Variants in FAT3 observed in about 807,000 individuals in gnomAD.
FAT3 encodes protocadherin Fat 3.
A neutral mutation model predicts 310.2 loss-of-function variants in FAT3; 95 were observed. That is an observed-to-expected ratio of 0.31 (90% CI 0.26 to 0.36). The LOEUF is 0.36. FAT3 is among the 10% of genes least tolerant of loss of function. The probability of loss-of-function intolerance (pLI) is 1.00; values close to 1 mark genes in which losing one functional copy is unlikely to be tolerated. For synonymous variants in FAT3, 2,314 were observed against 2,192.9 expected, an observed-to-expected ratio of 1.06 and a Z score of -1.54; for missense variants, 5,408 against 5,715.6, an observed-to-expected ratio of 0.95 and a Z score of 1.74.
In FAT3 at chr11:92,894,705, A is replaced by G. The variant is rs1949988478; in HGVS notation, c.*3592A>G. 6.6e-6 allele frequency: 1 copy of G among 152,190 alleles called. No individual in the cohort carries two copies. The allele number at this position is 152,190 out of a possible 1,614,324, so 9.4% of individuals were successfully genotyped here. On this transcript the variant is annotated 3_prime_UTR_variant, in exon 28 of 28. Transcript: ENST00000525166. ...GCATTCTAGTCTATGCCAGCTTTCC[A>G]TGTACCCTTGGCCTGCCTATTCATG... is the stretch of plus-strand genomic sequence containing the variant.
chr11:92,805,317 G>T lies in FAT3; in HGVS notation c.9061G>T (p.Asp3021Tyr), dbSNP rs1275908346. 1 of 1,613,680 alleles carries T rather than the reference G, an allele frequency of 6.2e-7. No individual in the cohort carries two copies. The highest frequency in any genetic ancestry group is 1.1e-5 in the South Asian group (1 of 91,018). ...GGCCATGGTGGAAGTGAGCGTCAGTGATGTGAATGACAATAGCCCAGTGTG... is the reference window on the plus strand; with the variant it reads ...GGCCATGGTGGAAGTGAGCGTCAGTTATGTGAATGACAATAGCCCAGTGTG... ...TQAMVEVSVSDVNDNSPVCDQ... is the reference protein window; with the variant it reads ...TQAMVEVSVSYVNDNSPVCDQ... Residue 3021 changes from aspartate to tyrosine, a missense_variant, in exon 11 of 28, where the codon GAT (aspartate) becomes TAT (tyrosine). Around this residue, in one of 5 missense-constraint regions of FAT3, gnomAD observed 4,588 missense variants for 4,809.8 expected, o/e 0.95. Coordinates refer to ENST00000525166, the MANE Select transcript of FAT3 (RefSeq NM_001367949.2).
intron 13 of FAT3, among the ~76,000 whole-genome samples, chr11:92,830,803 C>G (rs1377518726): frequency 6.6e-6 from 1 of 152,102 alleles, no homozygotes; most frequent in Non-Finnish European, 1.5e-5. Flanking sequence ...GCCTCTGTTT[C>G]TCTCACATCC....
intron 3 of FAT3, among the ~76,000 whole-genome samples, chr11:92,602,484 C>G (rs1343314511): frequency 6.6e-6 from 1 of 152,138 alleles, no homozygotes; most frequent in Admixed American, 6.6e-5. Context: ...TTAGCCTGTT[C>G]AAGATGACAG....
chr11:92,765,453 T>G (rs1414800243), intron 6 of FAT3, among the ~76,000 whole-genome samples: 2 of 152,096 alleles, frequency 1.3e-5, no homozygotes, highest in African/African-American at 4.8e-5. Context: ...TTTCTTCACC[T>G]TTTTTCTGCA....
At chr11:92,593,029 A>G (rs993799138) in intron 3 of FAT3, among the ~76,000 whole-genome samples, 8 of 152,118 alleles carry the variant, frequency 5.3e-5, no homozygotes, top group Admixed American at 6.6e-5. Flanking sequence ...TGACTGTCCT[A>G]AGTACCCCAT....
chr11:92,263,136 G>T (rs1454568911), intron 1 of FAT3, among the ~76,000 whole-genome samples: 1 of 151,950 alleles, frequency 6.6e-6, no homozygotes, highest in Non-Finnish European at 1.5e-5. Flanking sequence ...GCTCAGTGCT[G>T]GAGAGTTGAC....
intron 2 of FAT3, among the ~76,000 whole-genome samples, chr11:92,368,845 T>TATATATATATATATATACATAC (rs1196442457): frequency 4.8e-5 from 7 of 145,840 alleles, no homozygotes; most frequent in African/African-American, 1.9e-4. Flanking sequence ...TATATATATA[T>TATATATATATATATATACATAC]ATACACACAT....
intron 19 of FAT3, among the ~76,000 whole-genome samples, chr11:92,853,756 C>T (rs530012747): frequency 1.3e-4 from 20 of 152,278 alleles, no homozygotes; most frequent in African/African-American, 4.8e-4. Flanking sequence ...GTCTGGATAT[C>T]TGTTTGAGTC....
intron 3 of FAT3, among the ~76,000 whole-genome samples, chr11:92,626,969 T>A (rs1941363264): frequency 6.6e-6 from 1 of 152,304 alleles, no homozygotes; most frequent in South Asian, 2.1e-4. Context: ...TAAGAAAAAA[T>A]GAGTGAATTC....
intron 2 of FAT3, among the ~76,000 whole-genome samples, chr11:92,461,897 C>T (rs1337519239): frequency 1.3e-5 from 2 of 152,178 alleles, no homozygotes; most frequent in Non-Finnish European, 2.9e-5. Context: ...TGCAGTGTAG[C>T]AAATGCTTTG....
At chr11:92,795,646 C>T (rs909345774) in intron 9 of FAT3, among the ~76,000 whole-genome samples, 4 of 152,000 alleles carry the variant, frequency 2.6e-5, no homozygotes, top group African/African-American at 4.8e-5. Context: ...CACAGTGGCT[C>T]GTGCCTGTAA....
intron 3 of FAT3, among the ~76,000 whole-genome samples, chr11:92,603,528 C>T (rs1366572671): frequency 6.6e-6 from 1 of 152,166 alleles, no homozygotes; most frequent in Non-Finnish European, 1.5e-5. Context: ...CTCACAATTT[C>T]GATTTTGAAA....
At chr11:92,715,207 C>G (rs1456851590) in intron 4 of FAT3, among the ~76,000 whole-genome samples, 2 of 150,276 alleles carry the variant, frequency 1.3e-5, no homozygotes, top group African/African-American at 4.9e-5. Context: ...AGATCGAGAC[C>G]ATCCTGGCTA....
rs188371671 is a variant in FAT3, at chr11:92,791,366, T to C, written c.4611+1148T>C. Among the ~76,000 whole-genome samples the C allele has an allele frequency of 1.1e-4, 16 of 152,318 alleles. No homozygotes were observed. The East Asian group carries it at 3.1e-3, about 29-fold the overall frequency. ...CCCCAAATAGAGTTCAGCTTGGTCC[T>C]TGGGTATGGCAGACCAGTCTGCAGA... On this transcript the variant is annotated intron_variant, in intron 8 of 27. Coordinates refer to ENST00000525166, the MANE Select transcript of FAT3 (RefSeq NM_001367949.2).
chr11:92,462,387 T>G (rs983793109), intron 2 of FAT3, among the ~76,000 whole-genome samples: 2 of 152,170 alleles, frequency 1.3e-5, no homozygotes, highest in Admixed American at 6.6e-5. Context: ...GTGTACTCGC[T>G]GTTTTGCTCC....
intron 2 of FAT3, among the ~76,000 whole-genome samples, chr11:92,516,971 G>A (rs1482528643): frequency 6.6e-6 from 1 of 152,086 alleles, no homozygotes; most frequent in Non-Finnish European, 1.5e-5. Context: ...ACTGCCCAAG[G>A]AAATAAGAGA....
intron 2 of FAT3, among the ~76,000 whole-genome samples, chr11:92,436,631 CTCT>C (rs1213790793): frequency 1.3e-5 from 2 of 152,186 alleles, no homozygotes; most frequent in Non-Finnish European, 2.9e-5. Context: ...TCAGGGACCA[CTCT>C]TCTTATGTGC....
At chr11:92,830,260 G>T (rs1948209208) in intron 13 of FAT3, among the ~76,000 whole-genome samples, 1 of 152,176 alleles carries the variant, frequency 6.6e-6, no homozygotes, top group South Asian at 2.1e-4. Flanking sequence ...AATGAAACCA[G>T]TTAAATCAAT....
intron 13 of FAT3, among the ~76,000 whole-genome samples, chr11:92,830,895 C>T (rs1948230180): frequency 6.6e-6 from 1 of 152,158 alleles, no homozygotes; most frequent in Admixed American, 6.5e-5. Flanking sequence ...TCATTTCTCA[C>T]CACCTGGGTG....
Sources: allele counts gnomAD v4.1 joint callset (sites outside exome capture counted in the v4.1 genomes callset), GRCh38; gene constraint gnomAD v4.1.1; regional missense constraint gnomAD v4.1.1; transcripts MANE v1.5; gene names NCBI Gene and HGNC (gene_info 2026-07-23, HGNC 2026-07-21).